Variants in NIBAN1 observed in about 807,000 individuals in gnomAD.
NIBAN1 encodes protein Niban 1.
Under a neutral mutation model 75.1 loss-of-function variants are expected in NIBAN1, and 81 were observed. That is an observed-to-expected ratio of 1.08 (90% CI 0.90 to 1.30). The LOEUF (loss-of-function observed/expected upper bound fraction) is 1.30, where lower values mean the gene tolerates loss of function less well. NIBAN1 is among the 50% of genes most tolerant of loss of function. NIBAN1 has a pLI of 0.00. For missense variants in NIBAN1, 1,133 were observed against 1,128.1 expected (o/e 1.00, Z -0.06); for synonymous variants, 436 against 424.8 (o/e 1.03, Z -0.32).
chr1:184,922,078 T>G (rs1490685006), intron 1 of NIBAN1, among the ~76,000 whole-genome samples: 1 of 152,130 alleles, frequency 6.6e-6, no homozygotes. Flanking sequence ...ACCAATTACC[T>G]TTCACATCTC....
chr1:184,847,546 A>G (rs1336807081), intron 5 of NIBAN1, among the ~76,000 whole-genome samples: 1 of 2,908 alleles, frequency 3.4e-4, no homozygotes, highest in Non-Finnish European at 4.8e-4. Flanking sequence ...GACCATCGAG[A>G]CTAGGAAGAA....
intron 1 of NIBAN1, among the ~76,000 whole-genome samples, chr1:184,930,996 T>A (rs945472978): frequency 1.1e-4 from 12 of 109,884 alleles, no homozygotes; most frequent in African/African-American, 6.4e-4. Context: ...TTTTTCTTCT[T>A]CTTTTTTTTT....
intron 4 of NIBAN1, among the ~76,000 whole-genome samples, chr1:184,888,508 A>G (rs1656588790): frequency 6.6e-6 from 1 of 152,224 alleles, no homozygotes; most frequent in Admixed American, 6.5e-5. Flanking sequence ...TCCAGATGCC[A>G]TCAGTGAATT....
At chr1:184,932,342 G>A (rs1217820793) in intron 1 of NIBAN1, among the ~76,000 whole-genome samples, 4 of 152,106 alleles carry the variant, frequency 2.6e-5, no homozygotes, top group South Asian at 2.1e-4. Flanking sequence ...GCAACTAGAC[G>A]GTCCCATCTG....
chr1:184,924,397 C>T (rs1445885608), intron 1 of NIBAN1, among the ~76,000 whole-genome samples: 3 of 152,188 alleles, frequency 2.0e-5, no homozygotes, highest in Non-Finnish European at 4.4e-5. Flanking sequence ...ATAAATCCCA[C>T]TTCATCACGA....
intron 1 of NIBAN1, among the ~76,000 whole-genome samples, chr1:184,930,246 T>A (rs1657784901): frequency 6.6e-6 from 1 of 152,250 alleles, no homozygotes; most frequent in South Asian, 2.1e-4. Flanking sequence ...CTATCCATTT[T>A]GCAAATGATC....
chr1:184,884,381 G>T (rs932723504), intron 5 of NIBAN1, among the ~76,000 whole-genome samples: 7 of 151,630 alleles, frequency 4.6e-5, no homozygotes, highest in African/African-American at 1.7e-4. Flanking sequence ...CCACCACCAC[G>T]TCCAGCTATA....
Position 184,890,237 on chromosome 1 carries a change from G to C in NIBAN1, c.319-15C>G. 28 of 1,565,122 alleles carry C rather than the reference G, an allele frequency of 1.8e-5. No individual in the cohort carries two copies. The highest frequency in any genetic ancestry group is 2.3e-5 in the Non-Finnish European group (26 of 1,135,654). ...CTCTGATAGGCCTGGGGAGGGAAAG[G>C]CACACAGGAATGATATCTTTTTCCC... is the stretch of plus-strand genomic sequence containing the variant. On this transcript the variant is annotated splice_polypyrimidine_tract_variant and intron_variant, in intron 3 of 13. Transcript: ENST00000367511.
At chr1:184,952,779 T>G (rs1421206280) in intron 1 of NIBAN1, among the ~76,000 whole-genome samples, 1 of 152,200 alleles carries the variant, frequency 6.6e-6, no homozygotes, top group Non-Finnish European at 1.5e-5. Flanking sequence ...ATTAAACAAC[T>G]TGTTTCACTA....
chr1:184,938,578 A>T (rs546583845), intron 1 of NIBAN1, among the ~76,000 whole-genome samples: 1 of 152,160 alleles, frequency 6.6e-6, no homozygotes, highest in East Asian at 1.9e-4. Flanking sequence ...ACATAAATAC[A>T]AAAGTAGGTT....
intron 1 of NIBAN1, among the ~76,000 whole-genome samples, chr1:184,972,615 G>A (rs1275409101): frequency 6.6e-6 from 1 of 152,204 alleles, no homozygotes; most frequent in Admixed American, 6.5e-5. Context: ...ACAAGACTGG[G>A]AAATGTAATG....
intron 12 of NIBAN1, among the ~76,000 whole-genome samples, chr1:184,802,034 C>T (rs16823513): frequency 6.6e-6 from 1 of 152,074 alleles, no homozygotes; most frequent in East Asian, 1.9e-4. Flanking sequence ...ACAGCTTGGG[C>T]TGAGGCTGAG....
intron 1 of NIBAN1, among the ~76,000 whole-genome samples, chr1:184,956,161 T>G (rs951101703): frequency 5.9e-5 from 9 of 152,120 alleles, no homozygotes; most frequent in African/African-American, 2.2e-4. Flanking sequence ...CCTTAGCAGC[T>G]AGGACTACAA....
At position 184,857,709 on chromosome 1, in the gene NIBAN1, G is replaced by C. The variant is rs553907156; in HGVS notation, c.602-25747C>G. On this transcript the variant is annotated intron_variant, in intron 5 of 13. Coordinates refer to ENST00000367511, the MANE Select transcript of NIBAN1 (RefSeq NM_052966.4). Reference sequence around the variant, plus strand: ...AGATATACATATACATATGTGTCTTGAGGTTATCTAGGTATTCTTTTCTCT... The same window carrying C: ...AGATATACATATACATATGTGTCTTCAGGTTATCTAGGTATTCTTTTCTCT... Among the ~76,000 whole-genome samples the C allele has an allele frequency of 5.3e-5, 8 of 152,218 alleles. No homozygotes were observed. The East Asian group carries it at 1.5e-3, about 29-fold the overall frequency.
intron 1 of NIBAN1, among the ~76,000 whole-genome samples, chr1:184,930,997 C>CTTTTTTCTTTTTTTTTTTT (rs1553229154): frequency 7.0e-5 from 8 of 114,552 alleles, no homozygotes; most frequent in African/African-American, 3.2e-4. Flanking sequence ...TTTTCTTCTT[C>CTTTTTTCTTTTTTTTTTTT]TTTTTTTTTT....
intron 5 of NIBAN1, among the ~76,000 whole-genome samples, chr1:184,865,064 A>G (rs1350524539): frequency 1.3e-5 from 2 of 152,062 alleles, no homozygotes; most frequent in Non-Finnish European, 2.9e-5. Flanking sequence ...ATGTGATACC[A>G]TCTCACACCA....
intron 5 of NIBAN1, among the ~76,000 whole-genome samples, chr1:184,841,066 G>C (rs1306367932): frequency 2.0e-5 from 3 of 151,936 alleles, no homozygotes; most frequent in African/African-American, 7.3e-5. Flanking sequence ...AAAAAAATAT[G>C]GCTTTTAACT....
At chr1:184,814,720 C>T (rs1475730686) in intron 9 of NIBAN1, among the ~76,000 whole-genome samples, 1 of 152,200 alleles carries the variant, frequency 6.6e-6, no homozygotes, top group Non-Finnish European at 1.5e-5. Flanking sequence ...TCTAGATTAT[C>T]ATGCTAAATC....
In NIBAN1 at chr1:184,890,266, T is replaced by C. The variant is rs199658865; in HGVS notation, c.319-44A>G. On this transcript the variant is annotated intron_variant, in intron 3 of 13. Coordinates refer to ENST00000367511, the MANE Select transcript of NIBAN1 (RefSeq NM_052966.4). ...ACAGGAATGATATCTTTTTCCCCAT[T>C]TGATTTTTGGAAAATATCAGGGATA... The C allele has an allele frequency of 7.7e-4, 1,114 of 1,445,348 alleles. 6 individuals carry two copies. In the African/African-American group the frequency reaches 0.013, roughly 17 times the overall value. 89.5% of individuals were successfully genotyped at this position (1,445,348 alleles called of 1,614,324 possible).
Sources: allele counts gnomAD v4.1 joint callset (sites outside exome capture counted in the v4.1 genomes callset), GRCh38; gene constraint gnomAD v4.1.1; transcripts MANE v1.5; gene names NCBI Gene and HGNC (gene_info 2026-07-23, HGNC 2026-07-21).